The following GPATCH1 variants were observed in gnomAD, a reference collection of about 807,000 sequenced individuals.
GPATCH1 encodes G patch domain-containing protein 1.
A neutral mutation model predicts 114.9 loss-of-function variants in GPATCH1; 73 were observed. The observed-to-expected ratio is 0.64, with a 90% confidence interval of 0.53 to 0.77. The LOEUF (loss-of-function observed/expected upper bound fraction) is 0.77. GPATCH1 is among the 30% of genes least tolerant of loss of function. GPATCH1 has a pLI of 0.00. For synonymous variants in GPATCH1, 391 were observed against 428.4 expected, an observed-to-expected ratio of 0.91 and a Z score of 1.08; for missense variants, 1,058 against 1,144.3, an observed-to-expected ratio of 0.92 and a Z score of 1.09.
chr19:33,095,331 C>T (rs999584996), intron 5 of GPATCH1, among the ~76,000 whole-genome samples: 10 of 144,320 alleles, frequency 6.9e-5, no homozygotes, highest in Non-Finnish European at 1.2e-4. Flanking sequence ...TGCGCGATCT[C>T]GGCTCACTGC....
At chr19:33,106,607 A>G (rs1234848828) in intron 9 of GPATCH1, 88 bp from the exon 10 acceptor site, 6 of 1,108,682 alleles carry the variant, frequency 5.4e-6, no homozygotes, top group Non-Finnish European at 8.1e-6. Context: ...GGCGGGGTTA[A>G]CAAGGCTCAG....
chr19:33,112,005 G>T, intron 12 of GPATCH1, 103 bp downstream of exon 12: 1 of 863,962 alleles, frequency 1.2e-6, no homozygotes, highest in South Asian at 1.7e-5. Flanking sequence ...TCTCTCTGTC[G>T]CCCAGGCTAG....
intron 7 of GPATCH1, among the ~76,000 whole-genome samples, 163 bp from the exon 8 acceptor site, chr19:33,097,592 C>G (rs1306320883): frequency 6.6e-6 from 1 of 152,138 alleles, no homozygotes; most frequent in African/African-American, 2.4e-5. Flanking sequence ...TTCCAGAAAA[C>G]TTGTGTGTGT....
At chr19:33,098,300 G>C (rs922525079) in intron 8 of GPATCH1, among the ~76,000 whole-genome samples, 1 of 152,204 alleles carries the variant, frequency 6.6e-6, no homozygotes, top group Non-Finnish European at 1.5e-5. Context: ...CAGGAGGCAG[G>C]TACACCAACA....
chr19:33,089,223 G>C (rs999771284), intron 2 of GPATCH1, among the ~76,000 whole-genome samples: 8 of 152,272 alleles, frequency 5.3e-5, no homozygotes, highest in Non-Finnish European at 8.8e-5. Context: ...GAGGAGGGCA[G>C]GTGTCACAGG....
chr19:33,104,029 A>G (rs1972755392), intron 9 of GPATCH1, among the ~76,000 whole-genome samples: 1 of 152,078 alleles, frequency 6.6e-6, no homozygotes. Context: ...ACAGACAGAG[A>G]GAAATACTTT....
At chr19:33,108,301 C>T (rs565808733) in intron 10 of GPATCH1, among the ~76,000 whole-genome samples, 8 of 152,280 alleles carry the variant, frequency 5.3e-5, no homozygotes, top group South Asian at 2.1e-4. Flanking sequence ...CAGAAACCTC[C>T]AGGCTCCCCA....
intron 1 of GPATCH1, among the ~76,000 whole-genome samples, chr19:33,084,616 C>T (rs1972515349): frequency 2.0e-5 from 3 of 152,060 alleles, no homozygotes; most frequent in East Asian, 1.9e-4. Context: ...CTTGGCCTCC[C>T]GTTAGACTGG....
chr19:33,123,903 C>G (rs1973012262), intron 17 of GPATCH1, among the ~76,000 whole-genome samples: 1 of 151,230 alleles, frequency 6.6e-6, no homozygotes, highest in South Asian at 2.1e-4. Context: ...GTCACCCAGG[C>G]TGGAGTGTAG....
intron 17 of GPATCH1, among the ~76,000 whole-genome samples, chr19:33,121,024 T>TA (rs1278327449): frequency 6.6e-6 from 1 of 150,686 alleles, no homozygotes. Flanking sequence ...TAAAAAAAAT[T>TA]AAAAAAGAAA....
chr19:33,094,119 T>C, intron 4 of GPATCH1, 53 bp from the exon 5 acceptor site: 1 of 980,962 alleles, frequency 1.0e-6, no homozygotes, highest in South Asian at 1.3e-5. Flanking sequence ...TTATTTCATA[T>C]TCTTTGTTAA....
intron 17 of GPATCH1, among the ~76,000 whole-genome samples, chr19:33,119,918 AT>A (rs1972958064): frequency 6.9e-6 from 1 of 145,756 alleles, no homozygotes; most frequent in Admixed American, 6.9e-5. Context: ...TATATATTTT[AT>A]ATATAAAAAT....
At position 33,101,485 on chromosome 19, in the gene GPATCH1, C is replaced by T. The variant is rs1463393827; in HGVS notation, c.1001-10C>T. Reference sequence around the variant, plus strand: ...TACTTCTGGAATTAATCTATGACATCATTTTGTAGAATCAGAGAAAGACCT... The same window carrying T: ...TACTTCTGGAATTAATCTATGACATTATTTTGTAGAATCAGAGAAAGACCT... On this transcript the variant is annotated splice_polypyrimidine_tract_variant and intron_variant, in intron 8 of 19. Transcript: ENST00000170564. 1 of 1,492,874 alleles carries T rather than the reference C, an allele frequency of 6.7e-7. No homozygotes were observed. 92.5% of individuals were successfully genotyped at this position (1,492,874 alleles called of 1,614,324 possible). A position where few individuals can be genotyped will look rare whatever the true frequency, so the allele number is the denominator to read the frequency against.
intron 17 of GPATCH1, among the ~76,000 whole-genome samples, chr19:33,120,752 G>A (rs1374321501): frequency 1.3e-5 from 2 of 151,912 alleles, no homozygotes; most frequent in Non-Finnish European, 2.9e-5. Context: ...CGCTTTGGGA[G>A]GTCGAGGTGG....
chr19:33,097,906 A>G lies in GPATCH1; in HGVS notation c.1000+4A>G. ...AGGCAGTATAAAAACCAGAAAGGTA[A>G]TTCGACAGCCACAAACCTAATGGCA... On this transcript the variant is annotated splice_donor_region_variant and intron_variant, in intron 8 of 19. Coordinates refer to ENST00000170564, the MANE Select transcript of GPATCH1 (RefSeq NM_018025.3). 6.2e-7 allele frequency: 1 copy of G among 1,613,750 alleles called. No homozygotes were observed. The highest frequency in any genetic ancestry group is 1.1e-5 in the South Asian group (1 of 91,038).
intron 6 of GPATCH1, among the ~76,000 whole-genome samples, 154 bp from the exon 7 acceptor site, chr19:33,096,053 G>C (rs140607665): frequency 7.4e-4 from 112 of 152,300 alleles, no homozygotes; most frequent in Middle Eastern, 3.4e-3. Context: ...AGCATCCTTT[G>C]TGCCAGAAAG....
At chr19:33,125,239 G>A (rs775004255) in intron 18 of GPATCH1, 37 bp downstream of exon 18, 3 of 1,568,436 alleles carry the variant, frequency 1.9e-6, no homozygotes, top group Middle Eastern at 3.3e-4. Flanking sequence ...TCAGTGTGGG[G>A]TGGGACCCGC....
intron 15 of GPATCH1, among the ~76,000 whole-genome samples, chr19:33,116,862 G>A (rs1425016505): frequency 6.6e-6 from 1 of 151,538 alleles, no homozygotes; most frequent in African/African-American, 2.4e-5. Context: ...TACTTCCTCC[G>A]GGGTTTCGTG....
rs1318708369 is a variant in GPATCH1 at position 33,122,197 on chromosome 19, G to A, written c.2522-2908G>A. ...AATTTTTTGTATTTTTAGTAGAGAC[G>A]GGGTTTTACCATGTTGGTCAGGCTG... On this transcript the variant is annotated intron_variant, in intron 17 of 19. Coordinates refer to ENST00000170564, the MANE Select transcript of GPATCH1 (RefSeq NM_018025.3). Among the ~76,000 whole-genome samples the A allele has an allele frequency of 2.6e-5, 4 of 151,906 alleles. No individual in the cohort carries two copies. In the East Asian group the frequency reaches 5.8e-4, roughly 22 times the overall value.
Sources: gnomAD v4.1 joint callset for allele counts (sites outside exome capture counted in the v4.1 genomes callset) on GRCh38, gnomAD v4.1.1 for gene constraint, MANE v1.5 for transcripts, NCBI Gene and HGNC (gene_info 2026-07-23, HGNC 2026-07-21) for gene names.